The following IDE variants were observed in gnomAD, a reference collection of about 807,000 sequenced individuals.
The protein encoded by IDE is insulin degrading enzyme, also known as insulin-degrading enzyme.
Under a neutral mutation model 133.2 loss-of-function variants are expected in IDE, and 58 were observed. The observed-to-expected ratio is 0.44, with a 90% CI of 0.35 to 0.54. The LOEUF (loss-of-function observed/expected upper bound fraction) is 0.54. Ranked by LOEUF, IDE falls within the 20% of genes least tolerant of loss-of-function variation. IDE has a pLI of 0.00. For missense variants in IDE, 981 were observed against 1,234.0 expected (o/e 0.79, Z 3.07); for synonymous variants, 396 against 421.3 (o/e 0.94, Z 0.73).
intron 1 of IDE, among the ~76,000 whole-genome samples, chr10:92,542,206 T>C (rs952135308): frequency 3.9e-5 from 6 of 152,124 alleles, no homozygotes; most frequent in African/African-American, 1.4e-4. Flanking sequence ...TTTCACTCTG[T>C]CACCCAGGCA....
chr10:92,452,583 G>C lies in IDE; in HGVS notation c.*1861C>G, dbSNP rs1473230118. 1.3e-5 allele frequency: 2 copies of C among 152,206 alleles called. No homozygotes were observed. The highest frequency in any genetic ancestry group is 4.8e-5 in the African/African-American group (2 of 41,468). The allele number at this position is 152,206 out of a possible 1,614,324, so 9.4% of individuals were successfully genotyped here. A position where few individuals can be genotyped will look rare whatever the true frequency, so the allele number is the denominator to read the frequency against. On this transcript the variant is annotated 3_prime_UTR_variant, in exon 25 of 25. Coordinates refer to ENST00000265986, the MANE Select transcript of IDE (RefSeq NM_004969.4). ...ATTGCAGGTTCATGGAAGACTACAT[G>C]AGATTGCTCTCAGATCTCTTCATGT... is the stretch of plus-strand genomic sequence containing the variant.
chr10:92,500,311 C>G (rs562316398), intron 11 of IDE, among the ~76,000 whole-genome samples: 1 of 149,894 alleles, frequency 6.7e-6, no homozygotes, highest in African/African-American at 2.5e-5. Context: ...AAAAAAAAAA[C>G]CCCAACTGAC....
At position 92,479,397 on chromosome 10, in the gene IDE, C is replaced by T. The variant is rs762735868; in HGVS notation, c.1764G>A (p.Leu588=). 3 of 1,610,728 alleles carry T rather than the reference C, an allele frequency of 1.9e-6. No individual in the cohort carries two copies. Among genetic ancestry groups the T allele is most frequent in the South Asian group, 2.2e-5 (2 of 90,930 alleles). The part of the protein sequence containing the change: ...FFSPFAYVDP[L]HCNMAYLYLE... ...GGTACAAATAGGCCATGTTACAGTGCAAGGGGTCCACATAAGCAAATGGGC... is the reference window on the plus strand; with the variant it reads ...GGTACAAATAGGCCATGTTACAGTGTAAGGGGTCCACATAAGCAAATGGGC... The change falls in exon 15 of 25, where the codon TTG becomes TTA. Residue 588 remains leucine (L), a synonymous_variant. Coordinates refer to ENST00000265986, the MANE Select transcript of IDE (RefSeq NM_004969.4).
intron 1 of IDE, among the ~76,000 whole-genome samples, chr10:92,569,745 G>A (rs758969395): frequency 1.3e-5 from 2 of 152,174 alleles, no homozygotes; most frequent in Non-Finnish European, 2.9e-5. Flanking sequence ...CAGTAAATAT[G>A]TACTGAGTAC....
In IDE at chr10:92,566,002, G is replaced by GA. The variant is rs5787004; in HGVS notation, c.98+7919dup. Among the ~76,000 whole-genome samples, 266 of 143,226 alleles carry GA rather than the reference G, an allele frequency of 1.9e-3. 1 individual carries two copies. The highest frequency in any genetic ancestry group is 2.7e-3 in the East Asian group (13 of 4,858). 94.0% of individuals were successfully genotyped at this position (143,226 alleles called of 152,430 possible). ...TGAGCTTCAATATCCTTATCTGAAA[G>GA]AAAAAAAAAAAAGACTACCACCACC... On this transcript the variant is annotated intron_variant, in intron 1 of 24. Transcript: ENST00000265986.
rs1213478029 is a variant in IDE, at chr10:92,453,194, A to G, written c.*1250T>C. The G allele has an allele frequency of 6.6e-6, 1 of 152,166 alleles. No homozygotes were observed. Among genetic ancestry groups the G allele is most frequent in the Admixed American group, 6.6e-5 (1 of 15,264 alleles). 9.4% of individuals were successfully genotyped at this position (152,166 alleles called of 1,614,324 possible). ...GCTTGTATATGGAAATATATTCACAATTTCTCTTGAAGCAAGTTTTAATAA... is the reference window on the plus strand; with the variant it reads ...GCTTGTATATGGAAATATATTCACAGTTTCTCTTGAAGCAAGTTTTAATAA... On this transcript the variant is annotated 3_prime_UTR_variant, in exon 25 of 25. Transcript: ENST00000265986.
chr10:92,478,556 G>T, intron 15 of IDE: 2 of 734,502 alleles, frequency 2.7e-6, no homozygotes, highest in Non-Finnish European at 3.4e-6. Flanking sequence ...TAACTTTCTT[G>T]TTTAAAAATG....
chr10:92,532,981 T>C (rs886068701), intron 3 of IDE, among the ~76,000 whole-genome samples: 1 of 152,220 alleles, frequency 6.6e-6, no homozygotes, highest in Admixed American at 6.5e-5. Context: ...AAACTCTATC[T>C]ATCTGGAGTC....
rs184012959 is a variant in IDE, at chr10:92,500,868, C to T, written c.1430+3926G>A. ...ACAGCCTGGCCAACATGGTGAAACC[C>T]CATCTCTACTGAAAACACAAAAATT... On this transcript the variant is annotated intron_variant, in intron 11 of 24. Coordinates refer to ENST00000265986, the MANE Select transcript of IDE (RefSeq NM_004969.4). Among the ~76,000 whole-genome samples, 396 of 151,866 alleles carry T rather than the reference C, an allele frequency of 2.6e-3. 3 individuals carry two copies. The highest frequency in any genetic ancestry group is 9.1e-3 in the African/African-American group (379 of 41,428).
chr10:92,486,072 G>A (rs534736412), intron 13 of IDE, among the ~76,000 whole-genome samples: 5 of 152,294 alleles, frequency 3.3e-5, no homozygotes, highest in Admixed American at 6.5e-5. Context: ...AAACGGGTCC[G>A]GCGTGGTGGC....
chr10:92,511,693 A>AT (rs1848640477), intron 5 of IDE, among the ~76,000 whole-genome samples: 1 of 123,164 alleles, frequency 8.1e-6, no homozygotes, highest in Non-Finnish European at 1.9e-5. Flanking sequence ...CTTTTGCCTC[A>AT]ATTTTTTTGA....
chr10:92,509,546 T>A (rs1848476884), intron 6 of IDE, among the ~76,000 whole-genome samples: 2 of 151,966 alleles, frequency 1.3e-5, no homozygotes, highest in Admixed American at 1.3e-4. Context: ...GGAGCCACGA[T>A]CGCGCCGCTG....
chr10:92,455,523 C>G (rs954977101), intron 24 of IDE, 53 bp downstream of exon 24: 1 of 1,115,146 alleles, frequency 9.0e-7, no homozygotes, highest in African/African-American at 1.6e-5. Flanking sequence ...GCTGCTTCTT[C>G]TAAATAGAAA....
chr10:92,566,536 T>C (rs1315841101), intron 1 of IDE, among the ~76,000 whole-genome samples: 1 of 151,980 alleles, frequency 6.6e-6, no homozygotes, highest in South Asian at 2.1e-4. Flanking sequence ...ATGTTCTTAC[T>C]TATTTGTGGG....
chr10:92,559,884 C>T (rs904377022), intron 1 of IDE, among the ~76,000 whole-genome samples: 9 of 151,820 alleles, frequency 5.9e-5, no homozygotes, highest in Non-Finnish European at 1.2e-4. Flanking sequence ...ATTACTGGCA[C>T]GTGCCTCCAC....
At chr10:92,552,180 A>ATTT (rs1353601019) in intron 1 of IDE, among the ~76,000 whole-genome samples, 1 of 152,222 alleles carries the variant, frequency 6.6e-6, no homozygotes, top group Non-Finnish European at 1.5e-5. Context: ...ACTGGATACA[A>ATTT]TAAAGCCTAA....
Position 92,495,620 on chromosome 10 carries a change from G to A in IDE, c.1431-5025C>T, listed in dbSNP as rs866264176. Among the ~76,000 whole-genome samples, 3 of 152,028 alleles carry A rather than the reference G, an allele frequency of 2.0e-5. No homozygotes were observed. The South Asian group carries it at 6.2e-4, about 32-fold the overall frequency. On this transcript the variant is annotated intron_variant, in intron 11 of 24. Transcript: ENST00000265986. ...CCCACCTTGGCCTCCTAAAGTGCTG[G>A]GACTACAGGCGTGAGCCACCACACC... is the stretch of plus-strand genomic sequence containing the variant.
chr10:92,454,430 T>C lies in IDE; in HGVS notation c.*14A>G, dbSNP rs778742376. On this transcript the variant is annotated 3_prime_UTR_variant, in exon 25 of 25. Coordinates refer to ENST00000265986, the MANE Select transcript of IDE (RefSeq NM_004969.4). ...GAATGCATCCACTTGCACTTTCCCA[T>C]GCATGGGGAATCTTCAGAGTTTTGC... is the stretch of plus-strand genomic sequence containing the variant. 4.4e-6 allele frequency: 7 copies of C among 1,576,590 alleles called. No individual in the cohort carries two copies. Among genetic ancestry groups the C allele is most frequent in the African/African-American group, 4.0e-5 (3 of 74,148 alleles).
intron 1 of IDE, among the ~76,000 whole-genome samples, chr10:92,568,140 G>T (rs1403337960): frequency 6.6e-6 from 1 of 152,218 alleles, no homozygotes; most frequent in Non-Finnish European, 1.5e-5. Context: ...GTAAGAGCAA[G>T]TCAAGCAAGT....
Sources: allele counts gnomAD v4.1 joint callset (sites outside exome capture counted in the v4.1 genomes callset), GRCh38; gene constraint gnomAD v4.1.1; transcripts MANE v1.5; gene names NCBI Gene and HGNC (gene_info 2026-07-23, HGNC 2026-07-21).